The following WDR75 variants were observed in gnomAD, a reference collection of about 807,000 sequenced individuals.
WDR75 encodes WD repeat domain 75.
Under a neutral mutation model 106.1 loss-of-function variants are expected in WDR75, and 52 were observed. That is an observed-to-expected ratio of 0.49 (90% CI 0.39 to 0.62). The LOEUF (loss-of-function observed/expected upper bound fraction) is 0.62, where lower values mean the gene tolerates loss of function less well. WDR75 is among the 20% of genes least tolerant of loss of function. The pLI, the probability that WDR75 is intolerant of heterozygous loss-of-function variation, is 0.00. For synonymous variants in WDR75, 333 were observed against 335.5 expected, an observed-to-expected ratio of 0.99 and a Z score of 0.08; for missense variants, 905 against 970.3, an observed-to-expected ratio of 0.93 and a Z score of 0.89.
chr2:189,462,761 C>T, intron 9 of WDR75, 119 bp downstream of exon 9: 1 of 918,742 alleles, frequency 1.1e-6, no homozygotes, highest in Non-Finnish European at 1.6e-6. Flanking sequence ...TTTAATGAGC[C>T]TTCTTTTCCT....
chr2:189,441,594 C>T lies in WDR75; in HGVS notation c.86+16C>T, dbSNP rs373293133. The stretch of plus-strand genomic sequence containing the variant: ...CAGATTCTAAGTATGAGGGGCACCG[C>T]GCTTTGTCGGCTGAGGGGCGGGGCG... On this transcript the variant is annotated intron_variant, in intron 1 of 20. Transcript: ENST00000314761. 2.6e-6 allele frequency: 4 copies of T among 1,553,044 alleles called. No homozygotes were observed. The highest frequency in any genetic ancestry group is 3.5e-6 in the Non-Finnish European group (4 of 1,147,162).
At chr2:189,460,742 C>G (rs970961387) in intron 8 of WDR75, among the ~76,000 whole-genome samples, 2 of 151,854 alleles carry the variant, frequency 1.3e-5, no homozygotes, top group Admixed American at 1.3e-4. Flanking sequence ...TGACCTCAGG[C>G]GATCCCCCCA....
At chr2:189,466,012 CCTGT>C (rs1164580102) in intron 12 of WDR75, among the ~76,000 whole-genome samples, 7 of 152,086 alleles carry the variant, frequency 4.6e-5, no homozygotes, top group Admixed American at 2.0e-4. Flanking sequence ...TAAGTAGTTT[CCTGT>C]CTATTTTTCC....
At position 189,475,282 on chromosome 2, in the gene WDR75, T is replaced by C. The variant is rs1297097883; in HGVS notation, c.2358T>C (p.Asn786=). Reference sequence around the variant, plus strand: ...AAAGTGAAGATTCAGATGAAGAAAATGATTTTACCGAAAAAGTCCAGGATA... The same window carrying C: ...AAAGTGAAGATTCAGATGAAGAAAACGATTTTACCGAAAAAGTCCAGGATA... ...EKESEDSDEE[N]DFTEKVQDTS... The change falls in exon 21 of 21, where the codon AAT becomes AAC. Residue 786 remains asparagine, a synonymous_variant. Coordinates refer to ENST00000314761, the MANE Select transcript of WDR75 (RefSeq NM_032168.3). 1 of 1,613,040 alleles carries C rather than the reference T, an allele frequency of 6.2e-7. No homozygotes were observed. Among genetic ancestry groups the C allele is most frequent in the Admixed American group, 1.7e-5 (1 of 59,936 alleles).
At chr2:189,453,296 G>C (rs1686664844) in intron 4 of WDR75, among the ~76,000 whole-genome samples, 1 of 152,160 alleles carries the variant, frequency 6.6e-6, no homozygotes, top group African/African-American at 2.4e-5. Context: ...TGATCACTAG[G>C]TTTGGGATGT....
chr2:189,452,716 C>T (rs1181684727), intron 4 of WDR75, among the ~76,000 whole-genome samples: 1 of 152,148 alleles, frequency 6.6e-6, no homozygotes, highest in Admixed American at 6.5e-5. Flanking sequence ...ATAATTGTCC[C>T]TTACCATAGA....
chr2:189,466,496 A>G lies in WDR75; in HGVS notation c.1361A>G (p.Glu454Gly), dbSNP rs766186017. Residue 454 changes from glutamate to glycine, a missense_variant, in exon 13 of 21, where the codon GAA becomes GGA. Coordinates refer to ENST00000314761, the MANE Select transcript of WDR75 (RefSeq NM_032168.3). Reference protein sequence around the residue: ...CITALCFCNAEKSEQPTLVTA... With the variant: ...CITALCFCNAGKSEQPTLVTA... ...ACAGCTCTCTGTTTCTGTAATGCAG[A>G]AAAATCTGAACAGCCCACCTTGGTT... The G allele has an allele frequency of 1.2e-6, 2 of 1,613,448 alleles. No individual in the cohort carries two copies. The highest frequency in any genetic ancestry group is 8.5e-7 in the Non-Finnish European group (1 of 1,179,498).
rs369077081 is a variant in WDR75, at chr2:189,441,518, T to C, written c.26T>C (p.Val9Ala). MVEEENIR[V>A]VRCGGSELNF... ...ATGGTGGAGGAGGAGAACATCCGCG[T>C]GGTTCGTTGTGGCGGCAGCGAGTTG... The change falls in exon 1 of 21, where the codon GTG (valine) becomes GCG (alanine). Residue 9 changes from valine (V) to alanine (A), a missense_variant. Val to Ala is a moderately conservative substitution (Grantham distance 64). Transcript: ENST00000314761. 1.3e-4 allele frequency: 209 copies of C among 1,566,532 alleles called. No homozygotes were observed. The highest frequency in any genetic ancestry group is 1.7e-4 in the Non-Finnish European group (200 of 1,154,260).
intron 16 of WDR75, among the ~76,000 whole-genome samples, chr2:189,469,643 TC>T (rs932961847): frequency 6.6e-6 from 1 of 152,130 alleles, no homozygotes; most frequent in African/African-American, 2.4e-5. Context: ...TTCTTATTTT[TC>T]CACAAGCCAA....
intron 4 of WDR75, 161 bp downstream of exon 4, chr2:189,452,056 A>T: frequency 8.7e-6 from 5 of 575,802 alleles, no homozygotes. Flanking sequence ...GATGGTTTGT[A>T]TGAATTCTGA....
intron 3 of WDR75, 125 bp downstream of exon 3, chr2:189,451,093 C>T: frequency 8.2e-7 from 1 of 1,219,890 alleles, no homozygotes; most frequent in Non-Finnish European, 1.1e-6. Context: ...TACAAAATAA[C>T]ATCAAAAAAA....
intron 18 of WDR75, 38 bp downstream of exon 18, chr2:189,470,916 C>T: frequency 6.8e-7 from 1 of 1,479,442 alleles, no homozygotes. Context: ...GTATTGCCTC[C>T]CTAAAAGGAT....
chr2:189,462,914 T>C (rs112320894), intron 9 of WDR75, among the ~76,000 whole-genome samples: 9,848 of 152,182 alleles, frequency 0.065, 494 homozygotes, highest in African/African-American at 0.14. Context: ...TCTTTTAGTG[T>C]GGGATGACAT....
chr2:189,473,152 G>A (rs536712938), intron 18 of WDR75, among the ~76,000 whole-genome samples: 38 of 152,096 alleles, frequency 2.5e-4, no homozygotes, highest in African/African-American at 8.9e-4. Flanking sequence ...GGGAGATGGC[G>A]GTTGCAGTGA....
intron 1 of WDR75, among the ~76,000 whole-genome samples, chr2:189,446,961 GACTA>G (rs1479185698): frequency 6.6e-6 from 1 of 152,184 alleles, no homozygotes; most frequent in Non-Finnish European, 1.5e-5. Context: ...GTTTCTACGT[GACTA>G]ACGGGCAGGT....
At chr2:189,451,357 C>T (rs1227131253) in intron 3 of WDR75, among the ~76,000 whole-genome samples, 1 of 152,048 alleles carries the variant, frequency 6.6e-6, no homozygotes, top group African/African-American at 2.4e-5. Flanking sequence ...ACAAATGACA[C>T]AATATTTCCC....
rs1686565383 is a variant in WDR75, at chr2:189,449,242, T to TA, written c.216+735dup. ...TTAATCCAATTCCATTTTCCTGGAT[T>TA]AGTCACAGCCAACTTGGAAGTTATT... On this transcript the variant is annotated intron_variant, in intron 2 of 20. Coordinates refer to ENST00000314761, the MANE Select transcript of WDR75 (RefSeq NM_032168.3). 4.6e-6 allele frequency: 6 copies of TA among 1,302,716 alleles called. No homozygotes were observed. In the South Asian group the frequency reaches 7.4e-5, roughly 16 times the overall value. 80.7% of individuals were successfully genotyped at this position (1,302,716 alleles called of 1,614,324 possible). A position where few individuals can be genotyped will look rare whatever the true frequency, so the allele number is the denominator to read the frequency against.
intron 5 of WDR75, among the ~76,000 whole-genome samples, chr2:189,456,963 C>T (rs534102246): frequency 2.6e-5 from 4 of 152,082 alleles, no homozygotes; most frequent in South Asian, 4.2e-4. Context: ...AGTGTTGGGC[C>T]GGGCGCAGTG....
rs550880598 is a variant in WDR75, at chr2:189,474,637, C to T, written c.2197-80C>T. ...CTCTTGGCATTTACAATAAAAGGGA[C>T]TCCGTGAGGACACTGTAGGAACAGA... is the stretch of plus-strand genomic sequence containing the variant. On this transcript the variant is annotated intron_variant, in intron 19 of 20. Coordinates refer to ENST00000314761, the MANE Select transcript of WDR75 (RefSeq NM_032168.3). 3.8e-5 allele frequency: 47 copies of T among 1,230,272 alleles called. No individual in the cohort carries two copies. The African/African-American group carries it at 7.0e-4, about 18-fold the overall frequency. The allele number at this position is 1,230,272 out of a possible 1,614,324, so 76.2% of individuals were successfully genotyped here. A position where few individuals can be genotyped will look rare whatever the true frequency, so the allele number is the denominator to read the frequency against.
Sources: allele counts gnomAD v4.1 joint callset (sites outside exome capture counted in the v4.1 genomes callset), GRCh38; gene constraint gnomAD v4.1.1; transcripts MANE v1.5; gene names NCBI Gene and HGNC (gene_info 2026-07-23, HGNC 2026-07-21).